XKR6: variants seen among roughly 807,000 people sequenced by gnomAD.
XKR6 encodes the protein XK related 6.
A neutral mutation model predicts 56.7 loss-of-function variants in XKR6; 22 were observed. The observed-to-expected ratio is 0.39, with a 90% CI of 0.28 to 0.55. The LOEUF is 0.55. Ranked by LOEUF, XKR6 falls within the 20% of genes least tolerant of loss-of-function variation. The pLI, the probability that XKR6 is intolerant of heterozygous loss-of-function variation, is 0.66. For synonymous variants in XKR6, 524 were observed against 387.8 expected (o/e 1.35, Z -4.13); for missense variants, 852 against 889.0 (o/e 0.96, Z 0.53).
At chr8:10,902,241 C>G (rs990813179) in intron 2 of XKR6, among the ~76,000 whole-genome samples, 2 of 152,366 alleles carry the variant, frequency 1.3e-5, no homozygotes, top group Middle Eastern at 3.4e-3. Context: ...AGGCATCTGA[C>G]TGGGGAGTCT....
At chr8:11,189,391 G>T (rs998467649) in intron 1 of XKR6, among the ~76,000 whole-genome samples, 2 of 152,140 alleles carry the variant, frequency 1.3e-5, no homozygotes, top group African/African-American at 4.8e-5. Flanking sequence ...TAATTTTAAT[G>T]TTAAATGTCT....
At chr8:11,050,066 C>T (rs942853848) in intron 1 of XKR6, among the ~76,000 whole-genome samples, 50 of 152,136 alleles carry the variant, frequency 3.3e-4, no homozygotes, top group Admixed American at 1.5e-3. Flanking sequence ...CTCCAGTCCT[C>T]GGGGTTTTCA....
intron 1 of XKR6, among the ~76,000 whole-genome samples, chr8:11,155,334 A>G (rs888165195): frequency 3.9e-5 from 6 of 152,258 alleles, no homozygotes; most frequent in African/African-American, 1.4e-4. Flanking sequence ...TGATATGTTT[A>G]AAACTGAAGG....
intron 1 of XKR6, among the ~76,000 whole-genome samples, chr8:11,004,065 C>T (rs888898398): frequency 7.2e-5 from 11 of 152,208 alleles, no homozygotes; most frequent in African/African-American, 2.4e-4. Flanking sequence ...AGGACTAGAA[C>T]ATGAGGACCT....
intron 1 of XKR6, among the ~76,000 whole-genome samples, chr8:10,926,309 C>A (rs1014221513): frequency 1.3e-5 from 2 of 152,218 alleles, no homozygotes; most frequent in Admixed American, 6.5e-5. Flanking sequence ...CAGAACAACC[C>A]ATTCTTCACG....
At chr8:10,959,715 T>C (rs1224090757) in intron 1 of XKR6, among the ~76,000 whole-genome samples, 4 of 152,124 alleles carry the variant, frequency 2.6e-5, no homozygotes, top group Non-Finnish European at 5.9e-5. Context: ...TACCCTTCAA[T>C]ATATGAATTT....
chr8:11,160,642 G>C (rs1185585979), intron 1 of XKR6, among the ~76,000 whole-genome samples: 1 of 152,072 alleles, frequency 6.6e-6, no homozygotes, highest in Non-Finnish European at 1.5e-5. Flanking sequence ...GGGCGTGGTG[G>C]CTCACGCCTG....
intron 1 of XKR6, among the ~76,000 whole-genome samples, chr8:11,121,132 G>A (rs1799434520): frequency 6.6e-6 from 1 of 152,244 alleles, no homozygotes; most frequent in Non-Finnish European, 1.5e-5. Flanking sequence ...CATGGGTGAG[G>A]ACTTCATGTC....
At chr8:10,989,128 C>T (rs1317750302) in intron 1 of XKR6, among the ~76,000 whole-genome samples, 4 of 152,210 alleles carry the variant, frequency 2.6e-5, no homozygotes, top group African/African-American at 9.6e-5. Context: ...AGGGCATGAG[C>T]TCTGTGGAGG....
At chr8:11,094,128 G>C (rs1030077524) in intron 1 of XKR6, among the ~76,000 whole-genome samples, 28 of 150,844 alleles carry the variant, frequency 1.9e-4, no homozygotes, top group Non-Finnish European at 1.6e-4. Flanking sequence ...CCAGGCTGGA[G>C]TGCCGTGGTC....
At chr8:11,101,095 G>A (rs79944200) in intron 1 of XKR6, among the ~76,000 whole-genome samples, 1 of 152,168 alleles carries the variant, frequency 6.6e-6, no homozygotes, top group Non-Finnish European at 1.5e-5. Flanking sequence ...CAATGCTCAC[G>A]GGTAGTATTT....
intron 1 of XKR6, among the ~76,000 whole-genome samples, chr8:11,010,863 T>C (rs1407422465): frequency 6.6e-6 from 1 of 151,476 alleles, no homozygotes; most frequent in East Asian, 1.9e-4. Context: ...ACCACAGTCG[T>C]GGTATGAGTG....
chr8:11,169,151 C>T (rs1036551256), intron 1 of XKR6, among the ~76,000 whole-genome samples: 1 of 152,120 alleles, frequency 6.6e-6, no homozygotes, highest in Admixed American at 6.5e-5. Context: ...CATAAAAACC[C>T]CAAATCTAGC....
At chr8:11,076,162 T>C (rs907970642) in intron 1 of XKR6, among the ~76,000 whole-genome samples, 8 of 152,162 alleles carry the variant, frequency 5.3e-5, no homozygotes, top group Admixed American at 1.3e-4. Context: ...ATGAGGTCCA[T>C]AGAGGAGTCA....
chr8:10,911,778 GGT>G (rs1800377994), intron 2 of XKR6, among the ~76,000 whole-genome samples: 1 of 149,674 alleles, frequency 6.7e-6, no homozygotes, highest in South Asian at 2.1e-4. Context: ...TAAAAAGAGA[GGT>G]GTGTATATAT....
chr8:11,017,788 G>A (rs973442195), intron 1 of XKR6, among the ~76,000 whole-genome samples: 6 of 152,198 alleles, frequency 3.9e-5, no homozygotes, highest in African/African-American at 1.2e-4. Flanking sequence ...GGCACCAGTA[G>A]GTGCCCATAG....
chr8:11,064,147 C>T (rs1159684389), intron 1 of XKR6, among the ~76,000 whole-genome samples: 1 of 152,160 alleles, frequency 6.6e-6, no homozygotes, highest in Admixed American at 6.5e-5. Context: ...GCCCCATTTC[C>T]TGTTTCTTTC....
chr8:10,906,165 A>G (rs1424265949), intron 2 of XKR6, among the ~76,000 whole-genome samples: 1 of 152,210 alleles, frequency 6.6e-6, no homozygotes, highest in Non-Finnish European at 1.5e-5. Flanking sequence ...AGGCTGCCTG[A>G]TGTCATGTTG....
intron 1 of XKR6, among the ~76,000 whole-genome samples, chr8:10,953,107 T>C (rs1488189233): frequency 6.6e-6 from 1 of 152,238 alleles, no homozygotes; most frequent in African/African-American, 2.4e-5. Flanking sequence ...GTGAGTTGTA[T>C]GACTATTTCA....
Sources: allele counts gnomAD v4.1 joint callset (sites outside exome capture counted in the v4.1 genomes callset), GRCh38; gene constraint gnomAD v4.1.1; transcripts MANE v1.5; gene names NCBI Gene and HGNC (gene_info 2026-07-23, HGNC 2026-07-21).